Variants in KCMF1 observed in about 807,000 individuals in gnomAD.
The protein encoded by KCMF1 is potassium channel modulatory factor 1.
A neutral mutation model predicts 41.1 loss-of-function variants in KCMF1; 3 were observed. The observed-to-expected ratio is 0.07, with a 90% CI of 0.03 to 0.19. The LOEUF is 0.19. Ranked by LOEUF, KCMF1 falls within the 10% of genes least tolerant of loss-of-function variation. The probability of loss-of-function intolerance (pLI) is 1.00; values close to 1 mark genes in which losing one functional copy is unlikely to be tolerated. For synonymous variants in KCMF1, 142 were observed against 164.5 expected (o/e 0.86, Z 1.04); for missense variants, 286 against 488.9 (o/e 0.58, Z 3.91).
At chr2:85,022,136 T>G (rs892262801) in intron 1 of KCMF1, among the ~76,000 whole-genome samples, 3 of 152,064 alleles carry the variant, frequency 2.0e-5, no homozygotes, top group African/African-American at 2.4e-5. Context: ...TGTTGTTGTT[T>G]TTTGTTTTAA....
At chr2:85,045,976 TTTAAG>T in intron 4 of KCMF1, 123 bp from the exon 5 acceptor site, 1 of 762,566 alleles carries the variant, frequency 1.3e-6, no homozygotes, top group Admixed American at 3.0e-5. Flanking sequence ...ACATTTGCAC[TTTAAG>T]TTAAATGTGC....
At chr2:85,025,643 C>G (rs971700050) in intron 1 of KCMF1, among the ~76,000 whole-genome samples, 14 of 152,190 alleles carry the variant, frequency 9.2e-5, no homozygotes, top group African/African-American at 3.4e-4. Context: ...GAGTCCCGCT[C>G]TGTCACCCAG....
Position 84,987,987 on chromosome 2 carries a change from G to A in KCMF1, c.16+16520G>A, listed in dbSNP as rs528637983. ...TGTAATCCCAGCACTTTGGGAGGCC[G>A]AGGCAGGCAGATCACCTGAGGTCGG... On this transcript the variant is annotated intron_variant, in intron 1 of 6. Transcript: ENST00000409785. Among the ~76,000 whole-genome samples, 111 of 152,260 alleles carry A rather than the reference G, an allele frequency of 7.3e-4. 1 individual carries two copies. The highest frequency in any genetic ancestry group is 1.9e-3 in the African/African-American group (80 of 41,542).
chr2:85,013,435 C>T (rs1395559495), intron 1 of KCMF1, among the ~76,000 whole-genome samples: 1 of 152,140 alleles, frequency 6.6e-6, no homozygotes, highest in Non-Finnish European at 1.5e-5. Context: ...TCTGCTCCCT[C>T]CTTATACATC....
rs77258465 is a variant in KCMF1 at position 85,008,555 on chromosome 2, A to G, written c.17-19334A>G. 1.5e-4 allele frequency among the ~76,000 whole-genome samples: 22 copies of G among 150,908 alleles called. 1 individual carries two copies. The East Asian group carries it at 4.1e-3, about 28-fold the overall frequency. ...TTAAATAGCGAAACTACCAAGAAAC[A>G]GCACAAAAAGGTGAAAACATGGGAC... On this transcript the variant is annotated intron_variant, in intron 1 of 6. Coordinates refer to ENST00000409785, the MANE Select transcript of KCMF1 (RefSeq NM_020122.5).
rs995106328 is a variant in KCMF1, at chr2:85,054,826, C to G, written c.*1417C>G. 3 of 152,230 alleles carry G rather than the reference C, an allele frequency of 2.0e-5. No individual in the cohort carries two copies. Among genetic ancestry groups the G allele is most frequent in the African/African-American group, 7.2e-5 (3 of 41,452 alleles). 9.4% of individuals were successfully genotyped at this position (152,230 alleles called of 1,614,324 possible). A position where few individuals can be genotyped will look rare whatever the true frequency, so the allele number is the denominator to read the frequency against. ...GCCCTTTTCAAAGTCTCCTCTCTTT[C>G]TCCTGTCATCCTTTTCCTTTCCTGT... On this transcript the variant is annotated 3_prime_UTR_variant, in exon 7 of 7. Transcript: ENST00000409785.
intron 1 of KCMF1, among the ~76,000 whole-genome samples, chr2:85,006,283 TATTCTC>T (rs2103996027): frequency 6.6e-6 from 1 of 150,524 alleles, no homozygotes; most frequent in African/African-American, 2.4e-5. Flanking sequence ...ACCCACTAAA[TATTCTC>T]ATTTTCTTTT....
At chr2:85,020,969 A>C (rs2104017714) in intron 1 of KCMF1, among the ~76,000 whole-genome samples, 1 of 152,182 alleles carries the variant, frequency 6.6e-6, no homozygotes, top group Admixed American at 6.5e-5. Flanking sequence ...TCCTGGGCTG[A>C]AGCAATTCTC....
Position 84,971,379 on chromosome 2 carries a change from C to G in KCMF1, c.-73C>G. Reference sequence around the variant, plus strand: ...GTGGGAGTCGGCCGGCCGGCGCGGGCAGCGCCGGGACCCCGCGGGGGACAC... The same window carrying G: ...GTGGGAGTCGGCCGGCCGGCGCGGGGAGCGCCGGGACCCCGCGGGGGACAC... On this transcript the variant is annotated 5_prime_UTR_variant, in exon 1 of 7. Transcript: ENST00000409785. 2 of 1,016,172 alleles carry G rather than the reference C, an allele frequency of 2.0e-6. No individual in the cohort carries two copies. The highest frequency in any genetic ancestry group is 1.2e-6 in the Non-Finnish European group (1 of 835,048). The allele number at this position is 1,016,172 out of a possible 1,614,324, so 62.9% of individuals were successfully genotyped here.
chr2:85,008,321 C>CATATATAATATATATGATATATA (rs1674542901), intron 1 of KCMF1, among the ~76,000 whole-genome samples: 5 of 43,948 alleles, frequency 1.1e-4, no homozygotes, highest in African/African-American at 2.0e-4. Flanking sequence ...ATATATATAT[C>CATATATAATATATATGATATATA]ATATATAATA....
chr2:84,984,887 C>T (rs1369418553), intron 1 of KCMF1, among the ~76,000 whole-genome samples: 2 of 152,058 alleles, frequency 1.3e-5, no homozygotes, highest in African/African-American at 4.8e-5. Flanking sequence ...TGGGGCCTCA[C>T]TATGTTGCCC....
chr2:84,980,672 C>T (rs1342583323), intron 1 of KCMF1, among the ~76,000 whole-genome samples: 1 of 151,108 alleles, frequency 6.6e-6, no homozygotes, highest in African/African-American at 2.4e-5. Context: ...GGCCGGGTCT[C>T]ACTCTGTCAC....
chr2:84,993,301 A>G (rs1674092112), intron 1 of KCMF1, among the ~76,000 whole-genome samples: 1 of 152,188 alleles, frequency 6.6e-6, no homozygotes, highest in African/African-American at 2.4e-5. Context: ...TCCTCATGAC[A>G]TAATAGATGT....
At chr2:85,034,978 AC>A (rs771662579) in intron 2 of KCMF1, 37 bp from the exon 3 acceptor site, 5 of 1,530,848 alleles carry the variant, frequency 3.3e-6, no homozygotes, top group Non-Finnish European at 4.5e-6. Flanking sequence ...ATGTTTAAAA[AC>A]TAATATTCCT....
chr2:84,975,999 G>A (rs940240994), intron 1 of KCMF1, among the ~76,000 whole-genome samples: 1 of 152,200 alleles, frequency 6.6e-6, no homozygotes, highest in Non-Finnish European at 1.5e-5. Flanking sequence ...GTGGGGCTAA[G>A]TGAATAAGAT....
Position 84,996,092 on chromosome 2 carries a change from T to G in KCMF1, c.16+24625T>G, listed in dbSNP as rs552543494. Reference sequence around the variant, plus strand: ...AATTGTATTACTGGTGATTTCAGTGTGTATGTTAAAATCATGCAAAAGTAC... The same window carrying G: ...AATTGTATTACTGGTGATTTCAGTGGGTATGTTAAAATCATGCAAAAGTAC... On this transcript the variant is annotated intron_variant, in intron 1 of 6. Coordinates refer to ENST00000409785, the MANE Select transcript of KCMF1 (RefSeq NM_020122.5). 1.2e-4 allele frequency among the ~76,000 whole-genome samples: 18 copies of G among 152,360 alleles called. No homozygotes were observed. In the East Asian group the frequency reaches 3.5e-3, roughly 29 times the overall value.
Position 84,979,750 on chromosome 2 carries a change from T to A in KCMF1, c.16+8283T>A, listed in dbSNP as rs192306794. Among the ~76,000 whole-genome samples the A allele has an allele frequency of 2.2e-3, 339 of 152,214 alleles. 1 individual carries two copies. The highest frequency in any genetic ancestry group is 7.5e-3 in the African/African-American group (313 of 41,552). ...TTAAAATTATAAGGTATTTTTTCAGTCTTTGAAGTTATTCATTAAAATTGA... is the reference window on the plus strand; with the variant it reads ...TTAAAATTATAAGGTATTTTTTCAGACTTTGAAGTTATTCATTAAAATTGA... On this transcript the variant is annotated intron_variant, in intron 1 of 6. Transcript: ENST00000409785.
intron 1 of KCMF1, among the ~76,000 whole-genome samples, chr2:85,008,321 C>CATATATCATATATAATATGATATATA (rs1674542382): frequency 2.0e-4 from 9 of 43,948 alleles, no homozygotes; most frequent in Non-Finnish European, 3.5e-4. Flanking sequence ...ATATATATAT[C>CATATATCATATATAATATGATATATA]ATATATAATA....
intron 3 of KCMF1, among the ~76,000 whole-genome samples, chr2:85,036,994 C>T (rs1470116958): frequency 6.6e-6 from 1 of 150,486 alleles, no homozygotes; most frequent in African/African-American, 2.4e-5. Flanking sequence ...TGCCCCATGC[C>T]CCCCCATCCC....
Sources: allele counts gnomAD v4.1 joint callset (sites outside exome capture counted in the v4.1 genomes callset), GRCh38; gene constraint gnomAD v4.1.1; transcripts MANE v1.5; gene names NCBI Gene and HGNC (gene_info 2026-07-23, HGNC 2026-07-21).